Variants in POLGARF observed in about 807,000 individuals in gnomAD.
POLGARF encodes the protein POLG alternative reading frame.
At chr15:89,332,786 G>A in the POLGARF span, among the ~76,000 whole-genome samples, 1 of 152,156 alleles carries the variant, frequency 6.6e-6, no homozygotes, top group African/African-American at 2.4e-5. Context: ...ACGCTATTAG[G>A]AGAGGGGGTA....
chr15:89,332,613 C>CGGGGGCAGGGGGGCGG, the POLGARF span, among the ~76,000 whole-genome samples: 1 of 60,434 alleles, frequency 1.7e-5, no homozygotes, highest in Non-Finnish European at 2.9e-5. Context: ...GGCAGGGGGG[C>CGGGGGCAGGGGGGCGG]GGGGGGGTGT....
chr15:89,333,624 T>TGCC, the POLGARF span: 6 of 1,590,218 alleles, frequency 3.8e-6, no homozygotes, highest in Middle Eastern at 1.7e-4. Flanking sequence ...CTGCTGCTGC[T>TGCC]GCTGCCGCCG....
the POLGARF span, among the ~76,000 whole-genome samples, chr15:89,331,109 C>CA: frequency 2.0e-5 from 3 of 151,338 alleles, no homozygotes; most frequent in African/African-American, 7.3e-5. Context: ...GTGGACAACA[C>CA]AGCTGCGAAG....
chr15:89,331,105 A>C, the POLGARF span, among the ~76,000 whole-genome samples: 1 of 151,918 alleles, frequency 6.6e-6, no homozygotes, highest in African/African-American at 2.4e-5. Context: ...ACGTGTGGAC[A>C]ACACAGCTGC....
chr15:89,333,577 G>T, the POLGARF span: 12 of 1,609,966 alleles, frequency 7.5e-6, no homozygotes, highest in South Asian at 1.3e-4. Context: ...GATAGCACTT[G>T]CGGCTGCTGA....
At chr15:89,331,951 AAAG>A in the POLGARF span, among the ~76,000 whole-genome samples, 8 of 152,224 alleles carry the variant, frequency 5.3e-5, no homozygotes, top group African/African-American at 1.2e-4. Context: ...AAAAAGAGAG[AAAG>A]AAGGAGAAAG....
chr15:89,331,771 C>T, the POLGARF span, among the ~76,000 whole-genome samples: 1 of 150,250 alleles, frequency 6.7e-6, no homozygotes, highest in Non-Finnish European at 1.5e-5. Flanking sequence ...CCATGTGGCA[C>T]CCACCCCCAC....
chr15:89,332,999 C>A, the POLGARF span: 9 of 1,467,590 alleles, frequency 6.1e-6, no homozygotes, highest in Admixed American at 2.4e-5. Context: ...TACGTGAGCA[C>A]CCAGCCCGTA....
the POLGARF span, chr15:89,330,214 G>A: frequency 5.7e-5 from 92 of 1,613,150 alleles, 1 homozygote; most frequent in South Asian, 1.2e-4. Flanking sequence ...GAGGTCAGCC[G>A]GCGACAGCTG....
At chr15:89,332,607 G>C in the POLGARF span, among the ~76,000 whole-genome samples, 1 of 148,312 alleles carries the variant, frequency 6.7e-6, no homozygotes, top group South Asian at 2.2e-4. Flanking sequence ...GGCGGGGGCA[G>C]GGGGGCGGGG....
chr15:89,332,499 A>G, the POLGARF span: 1 of 151,942 alleles, frequency 6.6e-6, no homozygotes, highest in South Asian at 2.1e-4. Context: ...GTTTGGGACC[A>G]AAATGCCTGC....
chr15:89,333,630 C>G, the POLGARF span: 5 of 1,423,728 alleles, frequency 3.5e-6, no homozygotes, highest in Non-Finnish European at 4.8e-6. Context: ...CTGCTGCTGC[C>G]GCCGCCGCTG....
chr15:89,332,512 G>C, the POLGARF span: 1 of 151,278 alleles, frequency 6.6e-6, no homozygotes, highest in Non-Finnish European at 1.5e-5. Context: ...ATGCCTGCTT[G>C]GAAGGCTGGG....
the POLGARF span, chr15:89,333,138 C>T: frequency 2.0e-6 from 3 of 1,530,556 alleles, no homozygotes; most frequent in Non-Finnish European, 2.6e-6. Context: ...GGGGCAAGTT[C>T]CCTCTGCCAA....
chr15:89,333,001 C>G, the POLGARF span: 12 of 1,469,188 alleles, frequency 8.2e-6, no homozygotes, highest in Non-Finnish European at 9.0e-6. Context: ...CGTGAGCACC[C>G]AGCCCGTAAC....
chr15:89,330,566 A>G, the POLGARF span, among the ~76,000 whole-genome samples: 55,669 of 152,024 alleles, frequency 0.37, 10,490 homozygotes, highest in Non-Finnish European at 0.4. Context: ...CTGGGCTATC[A>G]AGGTGTTTGC....
At chr15:89,330,405 G>C in the POLGARF span, 2 of 766,288 alleles carry the variant, frequency 2.6e-6, no homozygotes, top group Non-Finnish European at 4.5e-6. Flanking sequence ...TGAGACCAAA[G>C]GGTGCTCCTA....
At chr15:89,331,438 A>G in the POLGARF span, among the ~76,000 whole-genome samples, 2 of 152,238 alleles carry the variant, frequency 1.3e-5, no homozygotes, top group Non-Finnish European at 2.9e-5. Flanking sequence ...GTCAAGATGC[A>G]GCTCTGCAGC....
chr15:89,333,429 T>C, the POLGARF span: 1 of 1,608,828 alleles, frequency 6.2e-7, no homozygotes, highest in Non-Finnish European at 8.5e-7. Context: ...GAGCCCGTGC[T>C]TCTGCAGGTG....
Sources: allele counts gnomAD v4.1 joint callset (sites outside exome capture counted in the v4.1 genomes callset), GRCh38; gene constraint gnomAD v4.1.1; transcripts MANE v1.5; gene names NCBI Gene and HGNC (gene_info 2026-07-23, HGNC 2026-07-21).